Variants in ZNF565 observed in about 807,000 individuals in gnomAD.
ZNF565 encodes zinc finger protein 565.
ZNF565 carries 27 observed loss-of-function variants against 39.4 expected under a neutral mutation model. The observed-to-expected ratio is 0.69, with a 90% CI of 0.51 to 0.95. ZNF565 has a LOEUF of 0.95. ZNF565 is among the 40% of genes least tolerant of loss of function. The pLI is 0.00. For synonymous variants in ZNF565, 185 were observed against 216.6 expected, an observed-to-expected ratio of 0.85 and a Z score of 1.28; for missense variants, 524 against 621.1, an observed-to-expected ratio of 0.84 and a Z score of 1.66.
chr19:36,232,999 T>G (rs1344568406), intron 1 of ZNF565, among the ~76,000 whole-genome samples: 1 of 152,186 alleles, frequency 6.6e-6, no homozygotes, highest in Admixed American at 6.5e-5. Flanking sequence ...TTGCCACGCT[T>G]TTGTATGTCC....
chr19:36,216,270 G>A (rs962708313), upstream of ZNF565, among the ~76,000 whole-genome samples: 1 of 152,052 alleles, frequency 6.6e-6, no homozygotes, highest in Non-Finnish European at 1.5e-5. Flanking sequence ...ACTACTAAGG[G>A]GCATAACAAA....
rs1976499748 is a variant in ZNF565 at position 36,214,395 on chromosome 19, C to CA, written c.-66+226dup. Among the ~76,000 whole-genome samples the CA allele has an allele frequency of 1.3e-5, 2 of 152,198 alleles. 1 individual carries two copies. Among genetic ancestry groups the CA allele is most frequent in the South Asian group, 4.1e-4 (2 of 4,830 alleles). On this transcript the variant is annotated intron_variant, in intron 1 of 4. Coordinates refer to ENST00000304116, the MANE Select transcript of ZNF565 (RefSeq NM_152477.5). ...ACACACGCAGTATCACCCCCGGTCA[C>CA]AAGGACCCTGCACCCCGATACTCTC... is the stretch of plus-strand genomic sequence containing the variant.
intron 1 of ZNF565, among the ~76,000 whole-genome samples, chr19:36,238,970 G>A (rs1977748585): frequency 6.6e-6 from 1 of 152,120 alleles, no homozygotes; most frequent in Admixed American, 6.5e-5. Flanking sequence ...AATCCAGGTT[G>A]TGCGCTTCTT....
chr19:36,243,660 A>G (rs1977834795), intron 1 of ZNF565, among the ~76,000 whole-genome samples: 1 of 151,984 alleles, frequency 6.6e-6, no homozygotes, highest in South Asian at 2.1e-4. Context: ...TTCCAGCCAG[A>G]GGAGTCCAAA....
At chr19:36,194,125 C>G (rs1410200569) in intron 4 of ZNF565, 108 bp downstream of exon 4, 3 of 844,736 alleles carry the variant, frequency 3.6e-6, no homozygotes, top group East Asian at 5.6e-5. Context: ...CGTTTCAGGC[C>G]TTTCTTCCAC....
At chr19:36,204,240 G>GA (rs1459999529) in intron 1 of ZNF565, among the ~76,000 whole-genome samples, 1 of 151,980 alleles carries the variant, frequency 6.6e-6, no homozygotes, top group Non-Finnish European at 1.5e-5. Flanking sequence ...GTGAGCCACC[G>GA]AGCCCAGCTA....
intron 1 of ZNF565, among the ~76,000 whole-genome samples, chr19:36,224,826 C>T (rs554801759): frequency 1.3e-5 from 2 of 152,160 alleles, no homozygotes; most frequent in East Asian, 3.9e-4. Context: ...TTTGGGTCCT[C>T]TAGGGTGTTT....
At chr19:36,211,308 T>C (rs1976346452) in intron 1 of ZNF565, among the ~76,000 whole-genome samples, 1 of 151,618 alleles carries the variant, frequency 6.6e-6, no homozygotes, top group South Asian at 2.1e-4. Context: ...CCGGGCGTGG[T>C]GGTGTGTGCC....
chr19:36,198,017 C>T (rs957387291), intron 2 of ZNF565, among the ~76,000 whole-genome samples: 6 of 151,514 alleles, frequency 4.0e-5, no homozygotes, highest in Non-Finnish European at 8.8e-5. Flanking sequence ...GGCATGGTAG[C>T]GTGCGCCTGT....
chr19:36,202,162 C>A, intron 1 of ZNF565, 112 bp from the exon 2 acceptor site: 1 of 658,322 alleles, frequency 1.5e-6, no homozygotes. Context: ...CTCGGATCTG[C>A]TTCTCCCACC....
At chr19:36,201,845 C>A in intron 2 of ZNF565, 132 bp downstream of exon 2, 18 of 1,009,876 alleles carry the variant, frequency 1.8e-5, no homozygotes, top group Non-Finnish European at 2.7e-5. Flanking sequence ...GGGACTTGGG[C>A]ACCATTACTC....
intron 1 of ZNF565, among the ~76,000 whole-genome samples, chr19:36,219,715 G>A (rs1433790426): frequency 6.6e-6 from 1 of 152,012 alleles, no homozygotes; most frequent in East Asian, 1.9e-4. Context: ...ATTCTTGGCT[G>A]GATGAGTAAA....
chr19:36,194,673 G>A (rs1002049274), intron 3 of ZNF565: 65 of 472,206 alleles, frequency 1.4e-4, no homozygotes, highest in Non-Finnish European at 2.3e-4. Context: ...GATGCTCCTG[G>A]CCTTGTTCTG....
intron 1 of ZNF565, among the ~76,000 whole-genome samples, chr19:36,230,973 G>A (rs1012691274): frequency 2.0e-5 from 3 of 151,958 alleles, no homozygotes; most frequent in Non-Finnish European, 4.4e-5. Context: ...GCTAATTTTT[G>A]TATTTTTAGT....
At chr19:36,209,490 G>A (rs953140926) in intron 1 of ZNF565, among the ~76,000 whole-genome samples, 6 of 151,674 alleles carry the variant, frequency 4.0e-5, no homozygotes, top group Non-Finnish European at 4.4e-5. Context: ...GCGGGACTCC[G>A]TCTCAAAACA....
intron 1 of ZNF565, among the ~76,000 whole-genome samples, chr19:36,242,453 G>C (rs571715694): frequency 6.6e-6 from 1 of 151,340 alleles, no homozygotes; most frequent in Non-Finnish European, 1.5e-5. Context: ...AAATTTCTGG[G>C]CACGGTGGCT....
At chr19:36,237,318 A>G (rs1308037527) in intron 1 of ZNF565, 4 of 1,593,968 alleles carry the variant, frequency 2.5e-6, no homozygotes, top group East Asian at 4.5e-5. Flanking sequence ...CATACTCACT[A>G]AAAACCCCAT....
chr19:36,197,284 CA>C (rs1975796580), intron 2 of ZNF565, among the ~76,000 whole-genome samples: 1 of 146,382 alleles, frequency 6.8e-6, no homozygotes, highest in Non-Finnish European at 1.5e-5. Flanking sequence ...AAAAAACAAA[CA>C]AACAACAACA....
intron 1 of ZNF565, among the ~76,000 whole-genome samples, chr19:36,203,148 A>C (rs764677993): frequency 1.3e-5 from 2 of 151,976 alleles, no homozygotes; most frequent in African/African-American, 4.8e-5. Context: ...CAGCCTAATC[A>C]ACATGGAGAA....
Sources: allele counts gnomAD v4.1 joint callset (sites outside exome capture counted in the v4.1 genomes callset), GRCh38; gene constraint gnomAD v4.1.1; transcripts MANE v1.5; gene names NCBI Gene and HGNC (gene_info 2026-07-23, HGNC 2026-07-21).